FAF1: variants seen among roughly 807,000 people sequenced by gnomAD.
The protein encoded by FAF1 is Fas associated factor 1, also known as FAS-associated factor 1.
FAF1 carries 25 observed loss-of-function variants against 92.5 expected under a neutral mutation model. The ratio of observed to expected loss-of-function variants is 0.27; its 90% CI spans 0.20 to 0.38. The LOEUF (loss-of-function observed/expected upper bound fraction) is 0.38. Ranked by LOEUF, FAF1 falls within the 10% of genes least tolerant of loss-of-function variation. The probability of loss-of-function intolerance (pLI) is 1.00; values close to 1 mark genes in which losing one functional copy is unlikely to be tolerated. For missense variants in FAF1, 636 were observed against 793.3 expected (o/e 0.80, Z 2.38); for synonymous variants, 234 against 273.2 (o/e 0.86, Z 1.42).
intron 4 of FAF1, among the ~76,000 whole-genome samples, chr1:50,763,495 TC>T (rs1262883597): frequency 3.9e-5 from 6 of 152,078 alleles, no homozygotes; most frequent in Non-Finnish European, 5.9e-5. Context: ...CGTTAAAATT[TC>T]CCCCTTTCCA....
At chr1:50,563,015 G>C (rs868376204) in intron 13 of FAF1, among the ~76,000 whole-genome samples, 1 of 152,100 alleles carries the variant, frequency 6.6e-6, no homozygotes, top group Admixed American at 6.6e-5. Flanking sequence ...ATTGTATTAG[G>C]TATTATAAGT....
intron 6 of FAF1, among the ~76,000 whole-genome samples, chr1:50,737,938 T>C (rs1659208258): frequency 1.3e-5 from 2 of 152,126 alleles, no homozygotes; most frequent in African/African-American, 2.4e-5. Context: ...TAAACATAGT[T>C]CTGGAATAAT....
At chr1:50,580,491 T>C (rs576810181) in intron 12 of FAF1, among the ~76,000 whole-genome samples, 2 of 151,974 alleles carry the variant, frequency 1.3e-5, no homozygotes, top group Non-Finnish European at 2.9e-5. Context: ...AAGGTAGGTA[T>C]AGGGGATTTG....
intron 1 of FAF1, among the ~76,000 whole-genome samples, chr1:50,859,354 C>T (rs573623381): frequency 1.3e-5 from 2 of 151,698 alleles, no homozygotes; most frequent in South Asian, 4.1e-4. Flanking sequence ...GATTCTGTAT[C>T]TAGAAAACCC....
intron 4 of FAF1, among the ~76,000 whole-genome samples, chr1:50,766,492 G>A (rs1403221610): frequency 6.6e-6 from 1 of 152,080 alleles, no homozygotes; most frequent in African/African-American, 2.4e-5. Context: ...CCAACTAGCT[G>A]CAGCCAGGAT....
At chr1:50,745,709 C>G (rs1659560502) in intron 4 of FAF1, among the ~76,000 whole-genome samples, 1 of 152,192 alleles carries the variant, frequency 6.6e-6, no homozygotes. Context: ...GTCCATGGAA[C>G]AGTGAGACAA....
At chr1:50,741,878 T>C (rs1044237557) in intron 5 of FAF1, among the ~76,000 whole-genome samples, 1 of 152,180 alleles carries the variant, frequency 6.6e-6, no homozygotes, top group Non-Finnish European at 1.5e-5. Context: ...ACCAATAAGA[T>C]ATACAAGTAC....
intron 17 of FAF1, among the ~76,000 whole-genome samples, chr1:50,487,807 T>C (rs1250070156): frequency 6.6e-6 from 1 of 152,180 alleles, no homozygotes; most frequent in East Asian, 1.9e-4. Flanking sequence ...TGGGTTAGGA[T>C]TTCCAGTTAG....
At chr1:50,899,720 G>C (rs1644781963) in intron 1 of FAF1, among the ~76,000 whole-genome samples, 1 of 152,190 alleles carries the variant, frequency 6.6e-6, no homozygotes, top group Non-Finnish European at 1.5e-5. Context: ...AAAGTGCTGG[G>C]ATTACAGGCG....
chr1:50,932,743 C>G (rs901398301), intron 1 of FAF1, among the ~76,000 whole-genome samples: 9 of 152,348 alleles, frequency 5.9e-5, no homozygotes, highest in Admixed American at 5.2e-4. Context: ...GCTCTGACCC[C>G]ACATTTCCCT....
chr1:50,728,166 G>A lies in FAF1; in HGVS notation c.551+10697C>T, dbSNP rs1658740598. On this transcript the variant is annotated intron_variant, in intron 6 of 18. Transcript: ENST00000396153. ...CGGTAGGGATAAAGCAAGATAGAGA[G>A]AGGGTATAACAGAGGGGCTGTTTTA... Among the ~76,000 whole-genome samples the A allele has an allele frequency of 2.0e-5, 3 of 152,288 alleles. No individual in the cohort carries two copies. The South Asian group carries it at 6.2e-4, about 32-fold the overall frequency.
At chr1:50,490,904 CT>C (rs929063539) in intron 16 of FAF1, among the ~76,000 whole-genome samples, 8 of 152,050 alleles carry the variant, frequency 5.3e-5, no homozygotes, top group Admixed American at 4.6e-4. Context: ...ATTCAAATAC[CT>C]TTGATAGCTC....
intron 17 of FAF1, among the ~76,000 whole-genome samples, chr1:50,486,831 A>G (rs1646774981): frequency 6.6e-6 from 1 of 152,172 alleles, no homozygotes; most frequent in African/African-American, 2.4e-5. Flanking sequence ...TGAGACTCAA[A>G]AACCTTAGCT....
intron 4 of FAF1, among the ~76,000 whole-genome samples, chr1:50,784,544 C>T (rs897077918): frequency 4.6e-5 from 7 of 152,094 alleles, no homozygotes; most frequent in African/African-American, 7.2e-5. Flanking sequence ...AAATTAAAGA[C>T]GACACTGGAA....
intron 6 of FAF1, among the ~76,000 whole-genome samples, chr1:50,724,367 C>T (rs914542755): frequency 1.8e-4 from 27 of 150,404 alleles, no homozygotes; most frequent in Non-Finnish European, 2.7e-4. Context: ...TTTGCTAGGA[C>T]GAGGGCTAGG....
At position 50,813,817 on chromosome 1, in the gene FAF1, A is replaced by C. The variant is rs982448178; in HGVS notation, c.115-12140T>G. Reference sequence around the variant, plus strand: ...AAATCCACAGCTTCATTTAAAAAAAAAAAATGACCTAGCAATTCCACTCTT... The same window carrying C: ...AAATCCACAGCTTCATTTAAAAAAACAAAATGACCTAGCAATTCCACTCTT... On this transcript the variant is annotated intron_variant, in intron 2 of 18. Coordinates refer to ENST00000396153, the MANE Select transcript of FAF1 (RefSeq NM_007051.3). Among the ~76,000 whole-genome samples the C allele has an allele frequency of 8.5e-5, 13 of 152,248 alleles. 1 individual carries two copies. In the South Asian group the frequency reaches 2.7e-3, roughly 32 times the overall value.
intron 9 of FAF1, among the ~76,000 whole-genome samples, chr1:50,585,254 G>A (rs1471765369): frequency 1.3e-5 from 2 of 152,130 alleles, no homozygotes; most frequent in Non-Finnish European, 2.9e-5. Context: ...GTGGTTCTCA[G>A]GTTTCTCTTT....
At chr1:50,592,976 A>T (rs1651596902) in intron 9 of FAF1, among the ~76,000 whole-genome samples, 1 of 152,080 alleles carries the variant, frequency 6.6e-6, no homozygotes, top group Non-Finnish European at 1.5e-5. Context: ...TTGTCTTAAA[A>T]CACACAAAGT....
At chr1:50,782,183 G>GT (rs762040977) in intron 4 of FAF1, among the ~76,000 whole-genome samples, 48 of 151,198 alleles carry the variant, frequency 3.2e-4, no homozygotes, top group African/African-American at 8.7e-4. Context: ...CTTTCTTTTT[G>GT]TTTTTTTTAA....
Sources: allele counts gnomAD v4.1 joint callset (sites outside exome capture counted in the v4.1 genomes callset), GRCh38; gene constraint gnomAD v4.1.1; transcripts MANE v1.5; gene names NCBI Gene and HGNC (gene_info 2026-07-23, HGNC 2026-07-21).